Variants in ARHGAP24 observed in about 807,000 individuals in gnomAD.
ARHGAP24 encodes Rho GTPase activating protein 24.
A neutral mutation model predicts 76.4 loss-of-function variants in ARHGAP24; 50 were observed. The observed-to-expected ratio is 0.65, with a 90% CI of 0.52 to 0.83. The LOEUF (loss-of-function observed/expected upper bound fraction) is 0.83, where lower values mean the gene tolerates loss of function less well. Ranked by LOEUF, ARHGAP24 falls within the 40% of genes least tolerant of loss-of-function variation. The probability of loss-of-function intolerance (pLI) is 0.00; values close to 1 mark genes in which losing one functional copy is unlikely to be tolerated. For synonymous variants in ARHGAP24, 345 were observed against 323.3 expected, an observed-to-expected ratio of 1.07 and a Z score of -0.72; for missense variants, 930 against 914.2, an observed-to-expected ratio of 1.02 and a Z score of -0.22.
intron 3 of ARHGAP24, among the ~76,000 whole-genome samples, chr4:85,727,476 A>G (rs1725211830): frequency 6.6e-6 from 1 of 152,140 alleles, no homozygotes; most frequent in Non-Finnish European, 1.5e-5. Context: ...CAACAATCCC[A>G]TCATGAAAAA....
chr4:85,578,998 A>G (rs1422348045), intron 2 of ARHGAP24, among the ~76,000 whole-genome samples: 1 of 152,228 alleles, frequency 6.6e-6, no homozygotes, highest in African/African-American at 2.4e-5. Context: ...AAGATTTCAG[A>G]ACAATACTCT....
chr4:85,898,523 A>G (rs1013231377), intron 3 of ARHGAP24, among the ~76,000 whole-genome samples: 1 of 152,194 alleles, frequency 6.6e-6, no homozygotes, highest in Non-Finnish European at 1.5e-5. Flanking sequence ...CATTTATTTT[A>G]AGATCAAAAC....
chr4:85,602,239 C>T (rs761561664), intron 2 of ARHGAP24, among the ~76,000 whole-genome samples: 4 of 152,250 alleles, frequency 2.6e-5, no homozygotes, highest in African/African-American at 4.8e-5. Context: ...TCATATCTCA[C>T]GTAATTTCCC....
intron 2 of ARHGAP24, among the ~76,000 whole-genome samples, chr4:85,594,145 T>G (rs1560545397): frequency 6.6e-6 from 1 of 152,024 alleles, no homozygotes; most frequent in Non-Finnish European, 1.5e-5. Flanking sequence ...TTTTATAGTT[T>G]TTATTGTAGA....
intron 3 of ARHGAP24, among the ~76,000 whole-genome samples, chr4:85,756,496 A>T (rs1726500579): frequency 6.6e-6 from 1 of 152,302 alleles, no homozygotes; most frequent in South Asian, 2.1e-4. Context: ...CTAGTTCTTC[A>T]TTTCCAAAAA....
rs116071663 is a variant in ARHGAP24 at position 85,761,000 on chromosome 4, C to A, written c.268+39028C>A. On this transcript the variant is annotated intron_variant, in intron 3 of 9. Transcript: ENST00000395184. ...ACTACAGCCTATCAATAATTTAAAA[C>A]ATAAATATGGAAAACAGTAATGAGA... is the stretch of plus-strand genomic sequence containing the variant. Among the ~76,000 whole-genome samples the A allele has an allele frequency of 8.6e-3, 1,305 of 152,246 alleles. 15 individuals carry two copies. The highest frequency in any genetic ancestry group is 0.029 in the African/African-American group (1,212 of 41,566).
intron 3 of ARHGAP24, among the ~76,000 whole-genome samples, chr4:85,819,434 C>T (rs1486648884): frequency 6.6e-6 from 1 of 151,910 alleles, no homozygotes; most frequent in Non-Finnish European, 1.5e-5. Flanking sequence ...ATCTGGCTGA[C>T]TCCCATTCCA....
chr4:85,885,347 T>A (rs1384746223), intron 3 of ARHGAP24, among the ~76,000 whole-genome samples: 9 of 152,134 alleles, frequency 5.9e-5, no homozygotes. Context: ...TTTTAAAATA[T>A]ATGTTTTTTA....
intron 2 of ARHGAP24, among the ~76,000 whole-genome samples, chr4:85,681,143 A>G (rs1000750724): frequency 4.6e-5 from 7 of 152,188 alleles, no homozygotes; most frequent in African/African-American, 1.7e-4. Context: ...GTTTTAACTC[A>G]TCAAGTCTTG....
At chr4:85,899,832 G>C (rs1280914771) in intron 3 of ARHGAP24, among the ~76,000 whole-genome samples, 1 of 152,166 alleles carries the variant, frequency 6.6e-6, no homozygotes, top group Non-Finnish European at 1.5e-5. Context: ...GGGATGACTT[G>C]AGCCTAAGAG....
At chr4:85,886,649 C>G (rs1426865309) in intron 3 of ARHGAP24, among the ~76,000 whole-genome samples, 1 of 152,132 alleles carries the variant, frequency 6.6e-6, no homozygotes, top group East Asian at 1.9e-4. Flanking sequence ...AAAGTATTAA[C>G]TGAATAGCTT....
At chr4:85,809,546 A>G (rs1244054166) in intron 3 of ARHGAP24, among the ~76,000 whole-genome samples, 3 of 152,248 alleles carry the variant, frequency 2.0e-5, no homozygotes, top group Non-Finnish European at 4.4e-5. Context: ...TTTATTTAAC[A>G]TTAGTTAGCA....
At chr4:85,914,625 A>G (rs1262975542) in intron 3 of ARHGAP24, among the ~76,000 whole-genome samples, 1 of 152,192 alleles carries the variant, frequency 6.6e-6, no homozygotes, top group Non-Finnish European at 1.5e-5. Flanking sequence ...TTATCAACTT[A>G]TTGAGACCTT....
intron 1 of ARHGAP24, among the ~76,000 whole-genome samples, chr4:85,483,569 GCCACTGCACTGCAGCCTGGGCAACA>G (rs553728880): frequency 6.6e-6 from 1 of 152,082 alleles, no homozygotes; most frequent in East Asian, 1.9e-4. Context: ...CCGAGATGGC[GCCACTGCACTGCAGCCTGGGCAACA>G]AGAGCGAAAC....
chr4:85,962,606 C>A (rs1738327474), intron 5 of ARHGAP24, among the ~76,000 whole-genome samples: 1 of 151,944 alleles, frequency 6.6e-6, no homozygotes, highest in South Asian at 2.1e-4. Context: ...AATAGGTCAC[C>A]TGAATTGGCA....
At chr4:85,724,315 A>G (rs903245309) in intron 3 of ARHGAP24, among the ~76,000 whole-genome samples, 1 of 152,112 alleles carries the variant, frequency 6.6e-6, no homozygotes, top group Non-Finnish European at 1.5e-5. Flanking sequence ...GTAGGAGAGG[A>G]TTACATATTT....
At chr4:85,733,510 C>T (rs2601861) in intron 3 of ARHGAP24, among the ~76,000 whole-genome samples, 81,932 of 152,000 alleles carry the variant, frequency 0.54, 24,486 homozygotes, top group Non-Finnish European at 0.69. Flanking sequence ...CTGTGCCTTT[C>T]ACAAGAAAGG....
At chr4:85,959,197 A>T (rs1738100610) in intron 5 of ARHGAP24, among the ~76,000 whole-genome samples, 1 of 152,188 alleles carries the variant, frequency 6.6e-6, no homozygotes, top group African/African-American at 2.4e-5. Context: ...TTTTTAGACC[A>T]TATAGGGTAA....
chr4:85,996,526 A>T (rs906800956), intron 9 of ARHGAP24, among the ~76,000 whole-genome samples: 1 of 152,146 alleles, frequency 6.6e-6, no homozygotes, highest in African/African-American at 2.4e-5. Context: ...GCTTTAATTT[A>T]CCTTAATATG....
Sources: allele counts gnomAD v4.1 joint callset (sites outside exome capture counted in the v4.1 genomes callset), GRCh38; gene constraint gnomAD v4.1.1; transcripts MANE v1.5; gene names NCBI Gene and HGNC (gene_info 2026-07-23, HGNC 2026-07-21).